Variants in SESN1 observed in about 807,000 individuals in gnomAD.
The protein encoded by SESN1 is sestrin-1.
A neutral mutation model predicts 59.3 loss-of-function variants in SESN1; 30 were observed. That is an observed-to-expected ratio of 0.51 (90% confidence interval 0.38 to 0.69). The LOEUF (loss-of-function observed/expected upper bound fraction) is 0.69, where lower values mean the gene tolerates loss of function less well. SESN1 is among the 30% of genes least tolerant of loss of function. SESN1 has a pLI of 0.00. For synonymous variants in SESN1, 197 were observed against 219.9 expected, an observed-to-expected ratio of 0.90 and a Z score of 0.92; for missense variants, 566 against 673.0, an observed-to-expected ratio of 0.84 and a Z score of 1.76.
intron 4 of SESN1, chr6:108,999,025 A>C: frequency 4.0e-6 from 1 of 252,408 alleles, no homozygotes; most frequent in South Asian, 6.8e-5. Context: ...TTTTGCTTAA[A>C]AGTGGCTGCT....
intron 1 of SESN1, among the ~76,000 whole-genome samples, chr6:109,062,104 A>G (rs1780742993): frequency 6.6e-6 from 1 of 152,210 alleles, no homozygotes; most frequent in African/African-American, 2.4e-5. Context: ...GGCTCACTGC[A>G]GCCTTGAACT....
intron 1 of SESN1, among the ~76,000 whole-genome samples, chr6:109,013,529 A>G (rs998960048): frequency 2.6e-5 from 4 of 152,192 alleles, no homozygotes; most frequent in Non-Finnish European, 4.4e-5. Flanking sequence ...TAATCAATTC[A>G]TGACAAGGAA....
At position 109,026,505 on chromosome 6, in the gene SESN1, C is replaced by CT. The variant is rs35989371; in HGVS notation, c.280-24163dup. Among the ~76,000 whole-genome samples, 36 of 149,914 alleles carry CT rather than the reference C, an allele frequency of 2.4e-4. 1 individual carries two copies. The highest frequency in any genetic ancestry group is 1.3e-3 in the Admixed American group (19 of 15,018). On this transcript the variant is annotated intron_variant, in intron 1 of 9. Transcript: ENST00000436639. ...AATCATATAATAGGTGTAGGTTTAA[C>CT]TTTTTTTTTTGAGATGGAGTCTCGC...
At chr6:109,093,350 A>G (rs1781369723) in intron 1 of SESN1, among the ~76,000 whole-genome samples, 1 of 152,214 alleles carries the variant, frequency 6.6e-6, no homozygotes, top group Admixed American at 6.5e-5. Context: ...GGTTGCATTT[A>G]GAGAACACAT....
intron 1 of SESN1, among the ~76,000 whole-genome samples, chr6:109,083,148 A>G (rs1274512267): frequency 6.6e-6 from 1 of 152,150 alleles, no homozygotes; most frequent in Admixed American, 6.5e-5. Flanking sequence ...ACCATACCAC[A>G]AGGGAGATAA....
chr6:109,016,098 A>T (rs550512943), intron 1 of SESN1, among the ~76,000 whole-genome samples: 2 of 152,220 alleles, frequency 1.3e-5, no homozygotes, highest in African/African-American at 4.8e-5. Flanking sequence ...CCATTTAACC[A>T]TAGGATTTTT....
intron 8 of SESN1, among the ~76,000 whole-genome samples, chr6:108,989,255 G>A (rs1159000526): frequency 6.6e-6 from 1 of 152,126 alleles, no homozygotes; most frequent in Non-Finnish European, 1.5e-5. Flanking sequence ...TGCCCGCCTT[G>A]GCTTCCCAAA....
At chr6:109,001,952 GA>G (rs1487315253) in intron 2 of SESN1, among the ~76,000 whole-genome samples, 7 of 152,174 alleles carry the variant, frequency 4.6e-5, no homozygotes, top group Non-Finnish European at 8.8e-5. Context: ...TCAGCCTGTG[GA>G]GACAGTCAAG....
chr6:109,045,893 T>C (rs914447101), intron 1 of SESN1, among the ~76,000 whole-genome samples: 3 of 152,194 alleles, frequency 2.0e-5, no homozygotes, highest in African/African-American at 7.2e-5. Flanking sequence ...AATAAATAAA[T>C]GTGAGGCACG....
At chr6:109,041,779 A>C (rs1188324926) in intron 1 of SESN1, among the ~76,000 whole-genome samples, 3 of 152,204 alleles carry the variant, frequency 2.0e-5, no homozygotes, top group Non-Finnish European at 4.4e-5. Context: ...CTCTCTCAAC[A>C]ATTGCTAGAA....
intron 1 of SESN1, among the ~76,000 whole-genome samples, chr6:109,042,127 C>T (rs1255950605): frequency 2.6e-5 from 4 of 151,644 alleles, no homozygotes; most frequent in Non-Finnish European, 4.4e-5. Flanking sequence ...GAGGAGGTAT[C>T]GGGGAGATTT....
chr6:109,019,169 CAAAG>C (rs1043297704), intron 1 of SESN1, among the ~76,000 whole-genome samples: 15 of 152,186 alleles, frequency 9.9e-5, no homozygotes, highest in Middle Eastern at 3.4e-3. Context: ...ACTAAGCTGA[CAAAG>C]AAATTAAAAC....
chr6:109,049,707 AAT>A (rs1780512956), intron 1 of SESN1, among the ~76,000 whole-genome samples: 1 of 150,026 alleles, frequency 6.7e-6, no homozygotes, highest in Admixed American at 6.7e-5. Context: ...TATTTATATT[AAT>A]ATATTATATA....
chr6:109,072,507 A>G (rs1780956223), intron 1 of SESN1, among the ~76,000 whole-genome samples: 1 of 152,214 alleles, frequency 6.6e-6, no homozygotes, highest in African/African-American at 2.4e-5. Context: ...AAACCATGAA[A>G]TGCATCTCTA....
chr6:109,051,770 G>A (rs1583287848), intron 1 of SESN1, among the ~76,000 whole-genome samples: 1 of 152,142 alleles, frequency 6.6e-6, no homozygotes, highest in African/African-American at 2.4e-5. Flanking sequence ...CTGGAGGCTG[G>A]AAAGTCCAGG....
At position 109,073,006 on chromosome 6, in the gene SESN1, T is replaced by A. The variant is rs906363612; in HGVS notation, c.279+20789A>T. 2.0e-5 allele frequency among the ~76,000 whole-genome samples: 3 copies of A among 150,410 alleles called. No individual in the cohort carries two copies. The South Asian group carries it at 6.6e-4, about 33-fold the overall frequency. On this transcript the variant is annotated intron_variant, in intron 1 of 9. Coordinates refer to ENST00000436639, the MANE Select transcript of SESN1 (RefSeq NM_014454.3). Reference sequence around the variant, plus strand: ...GCATTCAATAGAATAAAAAATAAAGTGTTTTTTTGTTTGTTTTTTTAGTTT... The same window carrying A: ...GCATTCAATAGAATAAAAAATAAAGAGTTTTTTTGTTTGTTTTTTTAGTTT...
At chr6:108,997,814 T>A (rs1779531110) in intron 5 of SESN1, among the ~76,000 whole-genome samples, 3 of 152,170 alleles carry the variant, frequency 2.0e-5, no homozygotes, top group African/African-American at 4.8e-5. Context: ...AAACCCTTGC[T>A]TTTTCACTAC....
At position 108,994,346 on chromosome 6, in the gene SESN1, T is replaced by C. The variant is rs550958937; in HGVS notation, c.1120+116A>G. 11 of 759,844 alleles carry C rather than the reference T, an allele frequency of 1.4e-5. No individual in the cohort carries two copies. The South Asian group carries it at 2.4e-4, about 17-fold the overall frequency. The allele number at this position is 759,844 out of a possible 1,614,324, so 47.1% of individuals were successfully genotyped here. On this transcript the variant is annotated intron_variant, in intron 6 of 9. Transcript: ENST00000436639. ...TTTGTAAATAGGAATACCTATGCAATAGTCTCTCTAAAAGGAAGGACATAT... is the reference window on the plus strand; with the variant it reads ...TTTGTAAATAGGAATACCTATGCAACAGTCTCTCTAAAAGGAAGGACATAT...
chr6:109,053,782 A>G (rs1227566423), intron 1 of SESN1, among the ~76,000 whole-genome samples: 2 of 152,124 alleles, frequency 1.3e-5, no homozygotes, highest in African/African-American at 4.8e-5. Context: ...AAGGACGAAC[A>G]CTCGCTCAGT....
Sources: allele counts gnomAD v4.1 joint callset (sites outside exome capture counted in the v4.1 genomes callset), GRCh38; gene constraint gnomAD v4.1.1; transcripts MANE v1.5; gene names NCBI Gene and HGNC (gene_info 2026-07-23, HGNC 2026-07-21).